The following ATP2C2 variants were observed in gnomAD, a reference collection of about 807,000 sequenced individuals.
ATP2C2 encodes the protein ATPase secretory pathway Ca2+ transporting 2.
ATP2C2 carries 171 observed loss-of-function variants against 110.8 expected under a neutral mutation model. The observed-to-expected ratio is 1.54, with a 90% CI of 1.36 to 1.75. The LOEUF (loss-of-function observed/expected upper bound fraction) is 1.75. Among genes scored for constraint, ATP2C2 ranks in the 40% most tolerant of loss-of-function variants. The probability of loss-of-function intolerance (pLI) is 0.00; values close to 1 mark genes in which losing one functional copy is unlikely to be tolerated. For missense variants in ATP2C2, 1,963 were observed against 1,235.0 expected, an observed-to-expected ratio of 1.59 and a Z score of -8.84; for synonymous variants, 804 against 508.4, an observed-to-expected ratio of 1.58 and a Z score of -7.82.
intron 24 of ATP2C2, chr16:84,461,347 C>T: frequency 2.9e-6 from 1 of 347,028 alleles, no homozygotes; most frequent in South Asian, 4.0e-5. Flanking sequence ...ATTTTCCCTC[C>T]AGCTCTCCCT....
chr16:84,408,536 C>G, intron 4 of ATP2C2, 42 bp downstream of exon 4: 2 of 1,519,348 alleles, frequency 1.3e-6, no homozygotes, highest in South Asian at 1.1e-5. Flanking sequence ...CGGGCAGCCA[C>G]AGGTCTGCTG....
intron 2 of ATP2C2, 95 bp from the exon 3 acceptor site, chr16:84,405,033 T>C (rs1905629003): frequency 1.9e-6 from 2 of 1,043,610 alleles, no homozygotes; most frequent in African/African-American, 1.6e-5. Flanking sequence ...TGGCCCATCA[T>C]GGAAGCCGCT....
chr16:84,406,957 T>C (rs1026941670), intron 3 of ATP2C2, among the ~76,000 whole-genome samples: 36 of 152,160 alleles, frequency 2.4e-4, no homozygotes, highest in African/African-American at 8.7e-4. Flanking sequence ...TTCCCCAAAA[T>C]GAAATCTCTT....
intron 20 of ATP2C2, among the ~76,000 whole-genome samples, chr16:84,454,169 A>C (rs925538652): frequency 6.6e-6 from 1 of 152,086 alleles, no homozygotes. Context: ...TCATCTGTAA[A>C]ATGGGGGAAC....
chr16:84,387,926 A>AT (rs34113848), intron 1 of ATP2C2, among the ~76,000 whole-genome samples: 28,558 of 145,108 alleles, frequency 0.2, 2,740 homozygotes, highest in Non-Finnish European at 0.21. Flanking sequence ...TCCCATGCCT[A>AT]TTTTTTTTTT....
Position 84,443,767 on chromosome 16 carries a change from C to T in ATP2C2, c.1401+1168C>T, listed in dbSNP as rs1048414288. On this transcript the variant is annotated intron_variant, in intron 15 of 26. Transcript: ENST00000262429. Reference sequence around the variant, plus strand: ...CCTCCCTCCAGTGCAAGACTCCAACCTCCCACACCACTGCCTTCCCAAAGC... The same window carrying T: ...CCTCCCTCCAGTGCAAGACTCCAACTTCCCACACCACTGCCTTCCCAAAGC... 2.0e-5 allele frequency among the ~76,000 whole-genome samples: 3 copies of T among 152,182 alleles called. No homozygotes were observed. In the East Asian group the frequency reaches 5.8e-4, roughly 29 times the overall value.
intron 14 of ATP2C2, 52 bp from the exon 15 acceptor site, chr16:84,442,458 C>G (rs1597845159): frequency 9.5e-6 from 15 of 1,578,680 alleles, no homozygotes; most frequent in Admixed American, 3.3e-5. Flanking sequence ...CAATGTCTAA[C>G]TTTTTCATGA....
Position 84,440,949 on chromosome 16 carries a change from G to A in ATP2C2, c.1302G>A (p.Lys434=), listed in dbSNP as rs764857708. The change falls in exon 14 of 27, where the codon AAG becomes AAA. Residue 434 remains lysine (K), a synonymous_variant. Coordinates refer to ENST00000262429, the MANE Select transcript of ATP2C2 (RefSeq NM_014861.4). ...AATTTTCCAATGTCTCAGTGGGAAA[G>A]TTAGTGGAGGTAGGTGTCAAAAGCG... The part of the protein sequence containing the change: ...IKEFSNVSVG[K]LVEAGCVANN... 2.5e-5 allele frequency: 41 copies of A among 1,610,788 alleles called. No individual in the cohort carries two copies. In the South Asian group the frequency reaches 4.4e-4, roughly 17 times the overall value.
rs190954487 is a variant in ATP2C2, at chr16:84,395,414, G to A, written c.100-3085G>A. 5.9e-5 allele frequency among the ~76,000 whole-genome samples: 9 copies of A among 151,866 alleles called. No individual in the cohort carries two copies. In the East Asian group the frequency reaches 1.7e-3, roughly 29 times the overall value. ...CCAGAGCACGTGACAAAGGTTGGGG[G>A]CACATGCTAGTCCTGCCCTCAAAGG... is the stretch of plus-strand genomic sequence containing the variant. On this transcript the variant is annotated intron_variant, in intron 1 of 26. Coordinates refer to ENST00000262429, the MANE Select transcript of ATP2C2 (RefSeq NM_014861.4).
In ATP2C2 at chr16:84,463,660, A is replaced by AGTTTGAG. The variant is rs748458765; in HGVS notation, c.2770_2771insTTTGAGG (p.Glu924ValfsTer2). 6 of 1,614,056 alleles carry AGTTTGAG rather than the reference A, an allele frequency of 3.7e-6. No individual in the cohort carries two copies. The Admixed American group carries it at 1.0e-4, about 27-fold the overall frequency. ...TGGCCTCATCCGTCTTCATTTTGTC[A>AGTTTGAG]GAGCTCCTCAAACTATGTGAAAAAT... On this transcript the variant is annotated stop_gained and frameshift_variant, in exon 27 of 27. Transcript: ENST00000262429. LOFTEE classifies it low-confidence loss of function (END_TRUNC).
chr16:84,452,709 G>T (rs1321132153), intron 18 of ATP2C2, among the ~76,000 whole-genome samples: 2 of 152,060 alleles, frequency 1.3e-5, no homozygotes, highest in East Asian at 3.8e-4. Context: ...GTGTTGCCCA[G>T]GCTGGTCTTG....
At position 84,463,817 on chromosome 16, in the gene ATP2C2, CTTT is replaced by C; in HGVS notation, c.*87_*89del. ...TGCCGTGTCTCCTCGTCAGGGGAGA[CTTT>C]TAGGAGGCCGCAGCCTTCCATCACC... On this transcript the variant is annotated 3_prime_UTR_variant, in exon 27 of 27. Coordinates refer to ENST00000262429, the MANE Select transcript of ATP2C2 (RefSeq NM_014861.4). 8.3e-7 allele frequency: 1 copy of C among 1,210,920 alleles called. No homozygotes were observed. The highest frequency in any genetic ancestry group is 1.3e-5 in the South Asian group (1 of 79,408). The allele number at this position is 1,210,920 out of a possible 1,614,324, so 75.0% of individuals were successfully genotyped here.
At chr16:84,454,743 C>T (rs570194319) in intron 20 of ATP2C2, 75 bp from the exon 21 acceptor site, 2 of 1,447,772 alleles carry the variant, frequency 1.4e-6, no homozygotes, top group South Asian at 2.9e-5. Context: ...CTGTGGCTGG[C>T]CACAGGGTGT....
At chr16:84,385,858 G>A (rs771367763) in intron 1 of ATP2C2, among the ~76,000 whole-genome samples, 9 of 152,186 alleles carry the variant, frequency 5.9e-5, no homozygotes, top group South Asian at 2.1e-4. Context: ...CCCAACATGC[G>A]GGGATTACAC....
intron 15 of ATP2C2, among the ~76,000 whole-genome samples, chr16:84,445,701 C>T (rs761147343): frequency 3.2e-4 from 49 of 152,198 alleles, no homozygotes; most frequent in Non-Finnish European, 5.3e-4. Context: ...CTAATCACCC[C>T]ACTCCCTCCC....
At chr16:84,371,410 CAGG>C (rs1238324943) in intron 1 of ATP2C2, among the ~76,000 whole-genome samples, 1 of 152,128 alleles carries the variant, frequency 6.6e-6, no homozygotes, top group Non-Finnish European at 1.5e-5. Context: ...CAAGCTGAAG[CAGG>C]AGGATTGCTT....
At position 84,463,742 on chromosome 16, in the gene ATP2C2, C is replaced by G. The variant is rs767810316; in HGVS notation, c.*10C>G. The stretch of plus-strand genomic sequence containing the variant: ...CCCTGAAGATGTGTAGTGGACCGCA[C>G]TCCGCGGCACCTTCCCTAATCATCT... On this transcript the variant is annotated 3_prime_UTR_variant, in exon 27 of 27. Coordinates refer to ENST00000262429, the MANE Select transcript of ATP2C2 (RefSeq NM_014861.4). The G allele has an allele frequency of 1.1e-5, 18 of 1,594,000 alleles. No homozygotes were observed. In the African/African-American group the frequency reaches 1.4e-4, roughly 12 times the overall value.
At chr16:84,379,525 TC>T (rs1222268483) in intron 1 of ATP2C2, among the ~76,000 whole-genome samples, 1 of 152,176 alleles carries the variant, frequency 6.6e-6, no homozygotes, top group Non-Finnish European at 1.5e-5. Flanking sequence ...AGTGTGAGCA[TC>T]ACCTGGGAGC....
Position 84,453,226 on chromosome 16 carries a change from C to T in ATP2C2, c.1920C>T (p.Arg640=), listed in dbSNP as rs759660872. Residue 640 remains arginine, a synonymous_variant, in exon 19 of 27, where the codon CGC becomes CGT. Transcript: ENST00000262429. ...DSVEKGELAD[R]VGKVSVFFRT... ...TGGAGAAGGGCGAGCTGGCCGACCG[C>T]GTGGGGAAGGTGGGTCCCCGGAGGC... 13 of 1,613,876 alleles carry T rather than the reference C, an allele frequency of 8.1e-6. No homozygotes were observed. The highest frequency in any genetic ancestry group is 1.6e-4 in the Middle Eastern group (1 of 6,082).
Sources: gnomAD v4.1 joint callset for allele counts (sites outside exome capture counted in the v4.1 genomes callset) on GRCh38, gnomAD v4.1.1 for gene constraint, MANE v1.5 for transcripts, NCBI Gene and HGNC (gene_info 2026-07-23, HGNC 2026-07-21) for gene names.